Variants in INTS10 observed in about 807,000 individuals in gnomAD.
The protein encoded by INTS10 is integrator complex subunit 10, also known as chromosome 8 open reading frame 35.
INTS10 carries 44 observed loss-of-function variants against 94.4 expected under a neutral mutation model. The observed-to-expected ratio is 0.47, with a 90% CI of 0.37 to 0.60. INTS10 has a LOEUF of 0.60. INTS10 is among the 20% of genes least tolerant of loss of function. The probability of loss-of-function intolerance (pLI) is 0.00; values close to 1 mark genes in which losing one functional copy is unlikely to be tolerated. For synonymous variants in INTS10, 341 were observed against 320.7 expected (o/e 1.06, Z -0.68); for missense variants, 797 against 868.7 (o/e 0.92, Z 1.04).
At chr8:19,837,423 A>C (rs941236110) in intron 13 of INTS10, 10 of 315,766 alleles carry the variant, frequency 3.2e-5, no homozygotes, top group East Asian at 1.1e-4. Flanking sequence ...GGGCTTGCCA[A>C]ATTGTATAAA....
At chr8:19,836,857 G>C (rs557912244) in intron 12 of INTS10, among the ~76,000 whole-genome samples, 195 bp from the exon 13 acceptor site, 1 of 152,144 alleles carries the variant, frequency 6.6e-6, no homozygotes. Flanking sequence ...CTAAAGTCTA[G>C]TACATAGCTT....
chr8:19,823,586 C>G (rs867335318), intron 6 of INTS10, 145 bp downstream of exon 6: 4 of 670,264 alleles, frequency 6.0e-6, no homozygotes, highest in African/African-American at 3.7e-5. Context: ...AAAAAAAATA[C>G]TAAAAGATGA....
chr8:19,823,525 T>G, intron 6 of INTS10, 84 bp downstream of exon 6: 1 of 953,208 alleles, frequency 1.0e-6, no homozygotes, highest in Non-Finnish European at 1.6e-6. Context: ...TTCTGATTAT[T>G]CTCCTCTGGA....
At chr8:19,836,708 C>T (rs942723350) in intron 12 of INTS10, among the ~76,000 whole-genome samples, 4 of 152,200 alleles carry the variant, frequency 2.6e-5, no homozygotes, top group African/African-American at 9.6e-5. Context: ...TTTTTCTATG[C>T]AGTGAGTTAG....
chr8:19,830,915 G>A (rs1479316997), intron 10 of INTS10, among the ~76,000 whole-genome samples: 3 of 152,040 alleles, frequency 2.0e-5, no homozygotes, highest in African/African-American at 7.3e-5. Flanking sequence ...CACGTGATCC[G>A]CCCACCTTGG....
intron 13 of INTS10, among the ~76,000 whole-genome samples, chr8:19,838,897 C>A (rs1008781573): frequency 6.6e-6 from 1 of 151,970 alleles, no homozygotes; most frequent in Non-Finnish European, 1.5e-5. Flanking sequence ...TGGTGAAACT[C>A]CATCTCTACT....
intron 10 of INTS10, among the ~76,000 whole-genome samples, chr8:19,831,626 G>C (rs960900063): frequency 3.3e-5 from 5 of 152,188 alleles, no homozygotes; most frequent in African/African-American, 1.2e-4. Flanking sequence ...GAAGGTTGAG[G>C]CTGCAGTGAC....
Position 19,829,768 on chromosome 8 carries a change from A to C in INTS10, c.1141-638A>C, listed in dbSNP as rs781557473. 1.1e-4 allele frequency among the ~76,000 whole-genome samples: 16 copies of C among 152,124 alleles called. 1 individual carries two copies. The highest frequency in any genetic ancestry group is 4.4e-5 in the Non-Finnish European group (3 of 68,022). On this transcript the variant is annotated intron_variant, in intron 9 of 16. Transcript: ENST00000397977. ...ACTGCAACCTCTGCCTCCCGGGCTT[A>C]AGAAATTCTTGTGTCTCAACCTCCT...
chr8:19,818,836 T>G (rs1319777608), intron 2 of INTS10: 1 of 153,766 alleles, frequency 6.5e-6, no homozygotes, highest in Non-Finnish European at 1.4e-5. Context: ...AGAGATCCAC[T>G]TCATTCCTTT....
chr8:19,825,173 A>C (rs1046812464), intron 8 of INTS10, among the ~76,000 whole-genome samples: 3 of 152,210 alleles, frequency 2.0e-5, no homozygotes. Context: ...AAAAGTTTCT[A>C]TATCAAAGGG....
intron 16 of INTS10, among the ~76,000 whole-genome samples, chr8:19,847,124 G>A (rs999461956): frequency 1.3e-5 from 2 of 152,160 alleles, no homozygotes; most frequent in African/African-American, 4.8e-5. Context: ...TTCTTTTTGT[G>A]TCTAGCAAGA....
chr8:19,831,105 A>C (rs13278049), intron 10 of INTS10, among the ~76,000 whole-genome samples: 21,305 of 152,252 alleles, frequency 0.14, 1,507 homozygotes, highest in Middle Eastern at 0.18. Flanking sequence ...TTTGCTAACT[A>C]AGGTATTCTT....
At chr8:19,821,286 C>T (rs1414800348) in intron 4 of INTS10, 2 of 152,298 alleles carry the variant, frequency 1.3e-5, no homozygotes, top group African/African-American at 2.4e-5. Context: ...AGGCACTTTC[C>T]CTCTGAAGGT....
chr8:19,833,937 G>T (rs750040780), intron 12 of INTS10, among the ~76,000 whole-genome samples: 2 of 151,508 alleles, frequency 1.3e-5, no homozygotes, highest in Non-Finnish European at 2.9e-5. Context: ...AACCTGGGAG[G>T]TGGAGGTTGC....
chr8:19,828,638 G>A (rs1343384039), intron 9 of INTS10, among the ~76,000 whole-genome samples: 1 of 152,048 alleles, frequency 6.6e-6, no homozygotes, highest in African/African-American at 2.4e-5. Context: ...GACGCGCCAT[G>A]TGTGTTCGTG....
At chr8:19,842,700 A>G in intron 13 of INTS10, 148 bp from the exon 14 acceptor site, 1 of 570,258 alleles carries the variant, frequency 1.8e-6, no homozygotes, top group East Asian at 2.9e-5. Context: ...ACAAAGTATA[A>G]TTGTGTTTCA....
At chr8:19,840,372 A>G (rs907360108) in intron 13 of INTS10, among the ~76,000 whole-genome samples, 3 of 152,204 alleles carry the variant, frequency 2.0e-5, no homozygotes, top group African/African-American at 7.2e-5. Flanking sequence ...TGTAGATTCA[A>G]TGCAATTTCA....
At position 19,846,678 on chromosome 8, in the gene INTS10, A is replaced by G. The variant is rs2068613824; in HGVS notation, c.1976+881A>G. ...TCCACCATGCTCCCCTGAACTCACA[A>G]GATGTTACTAAAATTCCGGGTTGGC... On this transcript the variant is annotated intron_variant, in intron 16 of 16. Coordinates refer to ENST00000397977, the MANE Select transcript of INTS10 (RefSeq NM_018142.4). The surrounding 1 kb of genome is among the most constrained non-coding windows in gnomAD (Gnocchi z 4.2). Among the ~76,000 whole-genome samples the G allele has an allele frequency of 6.6e-6, 1 of 152,326 alleles. No individual in the cohort carries two copies. The highest frequency in any genetic ancestry group is 1.9e-4 in the East Asian group (1 of 5,180).
At chr8:19,837,598 A>C (rs1284643730) in intron 13 of INTS10, 1 of 156,648 alleles carries the variant, frequency 6.4e-6, no homozygotes, top group Non-Finnish European at 1.4e-5. Flanking sequence ...GTAGATGATT[A>C]ATTAGGAGGT....
Sources: allele counts gnomAD v4.1 joint callset (sites outside exome capture counted in the v4.1 genomes callset), GRCh38; gene constraint gnomAD v4.1.1; non-coding constraint Gnocchi (gnomAD v3.1); transcripts MANE v1.5; gene names NCBI Gene and HGNC (gene_info 2026-07-23, HGNC 2026-07-21).